TRMT10B: variants seen among roughly 807,000 people sequenced by gnomAD.
The protein encoded by TRMT10B is tRNA methyltransferase 10 homolog B.
A neutral mutation model predicts 43.8 loss-of-function variants in TRMT10B; 33 were observed. The observed-to-expected ratio is 0.75, with a 90% confidence interval of 0.57 to 1.01. The LOEUF is 1.01. TRMT10B is among the 50% of genes least tolerant of loss of function. The pLI, the probability that TRMT10B is intolerant of heterozygous loss-of-function variation, is 0.00. For missense variants in TRMT10B, 362 were observed against 369.8 expected (o/e 0.98, Z 0.17); for synonymous variants, 137 against 130.6 (o/e 1.05, Z -0.34).
At position 37,777,924 on chromosome 9, in the gene TRMT10B, G is replaced by C. The variant is rs2118957415; in HGVS notation, c.*217G>C. On this transcript the variant is annotated 3_prime_UTR_variant, in exon 9 of 9. Coordinates refer to ENST00000297994, the MANE Select transcript of TRMT10B (RefSeq NM_144964.4). Reference sequence around the variant, plus strand: ...GGAGGCTGAGGCAGGAGAATCACTTGAACTCGGGAGGCGAAGGTTGCAGTG... The same window carrying C: ...GGAGGCTGAGGCAGGAGAATCACTTCAACTCGGGAGGCGAAGGTTGCAGTG... 1.5e-5 allele frequency: 6 copies of C among 399,104 alleles called. No homozygotes were observed. Among genetic ancestry groups the C allele is most frequent in the South Asian group, 1.2e-4 (5 of 40,692 alleles). 24.7% of individuals were successfully genotyped at this position (399,104 alleles called of 1,614,324 possible). A position where few individuals can be genotyped will look rare whatever the true frequency, so the allele number is the denominator to read the frequency against.
chr9:37,753,211 G>A (rs1323160321), upstream of TRMT10B, among the ~76,000 whole-genome samples: 17 of 152,230 alleles, frequency 1.1e-4, no homozygotes, highest in Admixed American at 1.1e-3. Context: ...TTTAAGAATT[G>A]TAACACCGCG....
At chr9:37,776,217 TATTAC>T in intron 7 of TRMT10B, 60 bp from the exon 8 acceptor site, 3 of 1,281,316 alleles carry the variant, frequency 2.3e-6, no homozygotes, top group Non-Finnish European at 3.1e-6. Context: ...TTTAATGCTG[TATTAC>T]ATTGAGAATA....
chr9:37,770,125 C>G, intron 6 of TRMT10B, 106 bp downstream of exon 6: 1 of 995,220 alleles, frequency 1.0e-6, no homozygotes, highest in South Asian at 1.3e-5. Flanking sequence ...CCCTCCCCAC[C>G]CCCACAAAAA....
At chr9:37,773,969 A>AC (rs989425775) in intron 7 of TRMT10B, among the ~76,000 whole-genome samples, 8 of 149,932 alleles carry the variant, frequency 5.3e-5, no homozygotes, top group East Asian at 1.9e-4. Flanking sequence ...AAAAAAAAAA[A>AC]AAAAACAACA....
intron 7 of TRMT10B, among the ~76,000 whole-genome samples, chr9:37,771,957 C>T (rs915203238): frequency 1.3e-5 from 2 of 152,100 alleles, no homozygotes; most frequent in African/African-American, 4.8e-5. Flanking sequence ...CCTCCCACCA[C>T]CTCAGCCTTC....
chr9:37,773,739 C>T (rs545138952), intron 7 of TRMT10B, among the ~76,000 whole-genome samples: 1 of 152,118 alleles, frequency 6.6e-6, no homozygotes, highest in Admixed American at 6.5e-5. Flanking sequence ...GAGGCTGAGG[C>T]AGGAGAATCT....
At chr9:37,759,312 T>C (rs1477940261) in intron 1 of TRMT10B, among the ~76,000 whole-genome samples, 1 of 152,216 alleles carries the variant, frequency 6.6e-6, no homozygotes, top group Non-Finnish European at 1.5e-5. Flanking sequence ...AAGCAACTAC[T>C]GATACATGCA....
chr9:37,776,569 T>C, intron 8 of TRMT10B, 164 bp downstream of exon 8: 2 of 873,032 alleles, frequency 2.3e-6, no homozygotes, highest in Non-Finnish European at 3.2e-6. Flanking sequence ...GCATTCTGTT[T>C]TCTTCGTCAC....
intron 1 of TRMT10B, among the ~76,000 whole-genome samples, chr9:37,759,380 C>T (rs1469021192): frequency 6.6e-6 from 1 of 152,210 alleles, no homozygotes; most frequent in African/African-American, 2.4e-5. Context: ...CTAAAGAGTA[C>T]ATACTGTTTG....
At chr9:37,757,006 C>CTT (rs11412966) in intron 1 of TRMT10B, among the ~76,000 whole-genome samples, 57 of 147,378 alleles carry the variant, frequency 3.9e-4, no homozygotes, top group African/African-American at 8.9e-4. Flanking sequence ...TATCTCTTAA[C>CTT]TTTTTTTTTT....
intron 4 of TRMT10B, among the ~76,000 whole-genome samples, chr9:37,764,149 TTTG>T (rs376664618): frequency 3.6e-4 from 54 of 152,108 alleles, no homozygotes; most frequent in African/African-American, 1.1e-3. Flanking sequence ...GTGTGTGTTT[TTTG>T]TTGTTGTTTT....
intron 8 of TRMT10B, 84 bp downstream of exon 8, chr9:37,776,489 T>C: frequency 6.8e-7 from 1 of 1,471,460 alleles, no homozygotes; most frequent in Non-Finnish European, 9.0e-7. Context: ...TTTGAGTCAG[T>C]CTCCTCTGTG....
Position 37,762,669 on chromosome 9 carries a change from T to A in TRMT10B, c.279T>A (p.Asn93Lys), listed in dbSNP as rs1454857584. The A allele has an allele frequency of 6.3e-7, 1 of 1,585,612 alleles. No homozygotes were observed. Among genetic ancestry groups the A allele is most frequent in the Non-Finnish European group, 8.6e-7 (1 of 1,164,372 alleles). Reference sequence around the variant, plus strand: ...AAGAAAAAGAACGAAGAAAAGCCAATCGTGCAGAAAATCCAGGTGACAATA... The same window carrying A: ...AAGAAAAAGAACGAAGAAAAGCCAAACGTGCAGAAAATCCAGGTGACAATA... ...RKQEKERRKA[N>K]RAENPGICPQ... The change falls in exon 3 of 9, where the codon AAT becomes AAA. Residue 93 changes from asparagine to lysine, a missense_variant. Transcript: ENST00000297994.
At chr9:37,765,746 CTGT>C (rs1466027113) in intron 4 of TRMT10B, among the ~76,000 whole-genome samples, 1 of 152,160 alleles carries the variant, frequency 6.6e-6, no homozygotes, top group Non-Finnish European at 1.5e-5. Flanking sequence ...TCTCCAGCAC[CTGT>C]TGTTTCCTGA....
At chr9:37,759,309 T>C (rs1365824107) in intron 1 of TRMT10B, among the ~76,000 whole-genome samples, 5 of 152,192 alleles carry the variant, frequency 3.3e-5, no homozygotes, top group African/African-American at 1.2e-4. Context: ...AAAAAGCAAC[T>C]ACTGATACAT....
At chr9:37,770,797 G>A (rs996908236) in intron 7 of TRMT10B, 58 bp downstream of exon 7, 5 of 1,567,822 alleles carry the variant, frequency 3.2e-6, no homozygotes, top group Non-Finnish European at 4.4e-6. Flanking sequence ...ACTTTTAGAG[G>A]CATGTGCCCT....
intron 6 of TRMT10B, 36 bp downstream of exon 6, chr9:37,770,055 T>C: frequency 1.9e-6 from 3 of 1,548,730 alleles, no homozygotes; most frequent in Non-Finnish European, 2.7e-6. Flanking sequence ...TATAGCCCAT[T>C]GTTCCTGTGT....
intron 1 of TRMT10B, among the ~76,000 whole-genome samples, chr9:37,755,750 T>A (rs1433100969): frequency 1.3e-5 from 2 of 152,124 alleles, no homozygotes; most frequent in African/African-American, 2.4e-5. Context: ...ACTGTAGAGA[T>A]TTGGAGAAAC....
intron 7 of TRMT10B, among the ~76,000 whole-genome samples, chr9:37,771,188 C>A (rs1827534041): frequency 6.6e-6 from 1 of 151,944 alleles, no homozygotes; most frequent in Non-Finnish European, 1.5e-5. Flanking sequence ...ATTGGGGTGT[C>A]ACTGGAATTT....
Sources: allele counts gnomAD v4.1 joint callset (sites outside exome capture counted in the v4.1 genomes callset), GRCh38; gene constraint gnomAD v4.1.1; transcripts MANE v1.5; gene names NCBI Gene and HGNC (gene_info 2026-07-23, HGNC 2026-07-21).